The following GNA12 variants were observed in gnomAD, a reference collection of about 807,000 sequenced individuals.
GNA12 encodes G protein subunit alpha 12, also known as guanine nucleotide-binding protein subunit alpha-12.
GNA12 carries 9 observed loss-of-function variants against 26.0 expected under a neutral mutation model. That is an observed-to-expected ratio of 0.35 (90% confidence interval 0.21 to 0.60). The LOEUF (loss-of-function observed/expected upper bound fraction) is 0.60. Among genes scored for constraint, GNA12 ranks in the 20% least tolerant of loss-of-function variants. GNA12 has a pLI of 0.78. For missense variants in GNA12, 405 were observed against 525.8 expected (o/e 0.77, Z 2.25); for synonymous variants, 264 against 219.6 (o/e 1.20, Z -1.79).
At chr7:2,771,324 A>G (rs1218027895) in intron 2 of GNA12, among the ~76,000 whole-genome samples, 1 of 151,870 alleles carries the variant, frequency 6.6e-6, no homozygotes, top group Non-Finnish European at 1.5e-5. Context: ...AAAAAACGAA[A>G]CCGCACATAG....
intron 2 of GNA12, chr7:2,762,569 T>G (rs746172140): frequency 6.9e-7 from 1 of 1,451,708 alleles, no homozygotes; most frequent in Non-Finnish European, 9.2e-7. Flanking sequence ...CAATGACATT[T>G]CCTGAAAATT....
At chr7:2,772,337 G>A (rs148365357) in intron 2 of GNA12, among the ~76,000 whole-genome samples, 20,047 of 152,170 alleles carry the variant, frequency 0.13, 1,416 homozygotes, top group Middle Eastern at 0.2. Context: ...AGAGGCAGGC[G>A]GATCACGAGG....
At chr7:2,824,777 C>T (rs1421586887) in intron 1 of GNA12, among the ~76,000 whole-genome samples, 4 of 152,134 alleles carry the variant, frequency 2.6e-5, no homozygotes, top group Admixed American at 2.0e-4. Context: ...CAAATCAAAC[C>T]GCAATAAAAA....
intron 2 of GNA12, among the ~76,000 whole-genome samples, chr7:2,754,949 T>C (rs1294999935): frequency 1.3e-5 from 2 of 152,190 alleles, no homozygotes; most frequent in African/African-American, 2.4e-5. Flanking sequence ...GTAACTCAGT[T>C]TGAATTAATT....
chr7:2,820,198 A>G (rs193038724), intron 1 of GNA12, among the ~76,000 whole-genome samples: 2 of 152,322 alleles, frequency 1.3e-5, no homozygotes, highest in Non-Finnish European at 2.9e-5. Flanking sequence ...CGGTGTCGAA[A>G]GTGGGCTGGT....
At chr7:2,826,862 G>A (rs996618575) in intron 1 of GNA12, among the ~76,000 whole-genome samples, 6 of 152,254 alleles carry the variant, frequency 3.9e-5, no homozygotes, top group Middle Eastern at 3.4e-3. Context: ...ATGCCATAAC[G>A]GTGGAGACAT....
intron 1 of GNA12, among the ~76,000 whole-genome samples, chr7:2,821,534 C>G (rs943748744): frequency 5.9e-5 from 9 of 152,196 alleles, no homozygotes; most frequent in African/African-American, 2.2e-4. Flanking sequence ...TATAAGGAAG[C>G]GAGGCTTGCA....
In GNA12 at chr7:2,844,217, G is replaced by T; in HGVS notation, c.-56C>A. 1 of 869,492 alleles carries T rather than the reference G, an allele frequency of 1.2e-6. No homozygotes were observed. Among genetic ancestry groups the T allele is most frequent in the Non-Finnish European group, 1.4e-6 (1 of 726,388 alleles). The allele number at this position is 869,492 out of a possible 1,614,324, so 53.9% of individuals were successfully genotyped here. On this transcript the variant is annotated 5_prime_UTR_variant, in exon 1 of 4. Coordinates refer to ENST00000275364, the MANE Select transcript of GNA12 (RefSeq NM_007353.3). ...GCGCCCGGGGGCCATGGACGCTCCCGCCGGCGAGGGCGAGCCCGGGCCGAG... is the reference window on the plus strand; with the variant it reads ...GCGCCCGGGGGCCATGGACGCTCCCTCCGGCGAGGGCGAGCCCGGGCCGAG...
At chr7:2,772,909 G>C (rs992047333) in intron 2 of GNA12, among the ~76,000 whole-genome samples, 1 of 152,140 alleles carries the variant, frequency 6.6e-6, no homozygotes, top group Non-Finnish European at 1.5e-5. Context: ...AACAGGAGAA[G>C]AAATAAATTA....
intron 1 of GNA12, among the ~76,000 whole-genome samples, chr7:2,810,557 T>C (rs1022681580): frequency 3.9e-5 from 6 of 152,192 alleles, no homozygotes; most frequent in African/African-American, 1.4e-4. Flanking sequence ...ATAATTTTTT[T>C]TTTACAGTTG....
At chr7:2,753,604 G>A (rs1013675503) in intron 2 of GNA12, among the ~76,000 whole-genome samples, 1 of 152,088 alleles carries the variant, frequency 6.6e-6, no homozygotes, top group African/African-American at 2.4e-5. Flanking sequence ...AGACATTTTG[G>A]TTGTTTCTGT....
intron 1 of GNA12, among the ~76,000 whole-genome samples, chr7:2,836,674 A>G (rs760322174): frequency 6.6e-4 from 100 of 152,192 alleles, no homozygotes; most frequent in Non-Finnish European, 1.2e-3. Flanking sequence ...CTGTAATCCC[A>G]GCACTTTGGG....
At chr7:2,836,721 C>T (rs534393795) in intron 1 of GNA12, among the ~76,000 whole-genome samples, 43 of 151,998 alleles carry the variant, frequency 2.8e-4, no homozygotes, top group Non-Finnish European at 5.4e-4. Flanking sequence ...GTCAGGAGTT[C>T]GAGACCAGCC....
rs186609232 is a variant in GNA12 at position 2,740,881 on chromosome 7, A to G, written c.526-7380T>C. Among the ~76,000 whole-genome samples the G allele has an allele frequency of 5.3e-5, 8 of 152,214 alleles. No homozygotes were observed. In the East Asian group the frequency reaches 1.4e-3, roughly 26 times the overall value. The stretch of plus-strand genomic sequence containing the variant: ...AGCATGGTGAAACCCTGCCTCTACT[A>G]AAAATACAAAAAAATTAGTCGGGCG... On this transcript the variant is annotated intron_variant, in intron 2 of 3. Coordinates refer to ENST00000275364, the MANE Select transcript of GNA12 (RefSeq NM_007353.3).
chr7:2,741,174 G>A (rs17132636), intron 2 of GNA12, among the ~76,000 whole-genome samples: 3,924 of 152,272 alleles, frequency 0.026, 124 homozygotes, highest in Middle Eastern at 0.078. Flanking sequence ...ATGTTTTAAG[G>A]TATTCCCCTG....
intron 2 of GNA12, among the ~76,000 whole-genome samples, chr7:2,770,107 C>A (rs1158327798): frequency 6.6e-6 from 1 of 152,042 alleles, no homozygotes; most frequent in Non-Finnish European, 1.5e-5. Context: ...TAAAATATAT[C>A]CTCAACATTA....
intron 1 of GNA12, among the ~76,000 whole-genome samples, chr7:2,827,481 G>C (rs911664004): frequency 1.3e-5 from 2 of 152,316 alleles, no homozygotes; most frequent in Admixed American, 6.5e-5. Flanking sequence ...GTGATGTCGC[G>C]TGAGAATTCA....
At chr7:2,807,321 C>T (rs1359406491) in intron 1 of GNA12, among the ~76,000 whole-genome samples, 2 of 152,036 alleles carry the variant, frequency 1.3e-5, no homozygotes, top group Non-Finnish European at 2.9e-5. Flanking sequence ...AATAAAGTAC[C>T]AATTAGTAAT....
chr7:2,832,966 AACACAGGAT>A (rs1283862931), intron 1 of GNA12, among the ~76,000 whole-genome samples: 1 of 152,252 alleles, frequency 6.6e-6, no homozygotes, highest in African/African-American at 2.4e-5. Flanking sequence ...TCTAACGGCT[AACACAGGAT>A]ACAAGTCATG....
Sources: allele counts gnomAD v4.1 joint callset (sites outside exome capture counted in the v4.1 genomes callset), GRCh38; gene constraint gnomAD v4.1.1; transcripts MANE v1.5; gene names NCBI Gene and HGNC (gene_info 2026-07-23, HGNC 2026-07-21).